Variants in DCAF8 observed in about 807,000 individuals in gnomAD.
The protein encoded by DCAF8 is DDB1- and CUL4-associated factor 8.
DCAF8 carries 20 observed loss-of-function variants against 68.0 expected under a neutral mutation model. That is an observed-to-expected ratio of 0.29 (90% CI 0.21 to 0.43). The LOEUF (loss-of-function observed/expected upper bound fraction) is 0.43. Ranked by LOEUF, DCAF8 falls within the 20% of genes least tolerant of loss-of-function variation. DCAF8 has a pLI of 1.00. For synonymous variants in DCAF8, 230 were observed against 276.9 expected, an observed-to-expected ratio of 0.83 and a Z score of 1.68; for missense variants, 460 against 771.0, an observed-to-expected ratio of 0.60 and a Z score of 4.78.
chr1:160,258,381 TG>T (rs1419144337), intron 2 of DCAF8, among the ~76,000 whole-genome samples: 1 of 152,060 alleles, frequency 6.6e-6, no homozygotes. Flanking sequence ...AGGTTGGTGG[TG>T]GGAACTAAAA....
rs1553197285 is a variant in DCAF8 at position 160,244,047 on chromosome 1, G to A, written c.-26-13C>T. 1 of 1,612,174 alleles carries A rather than the reference G, an allele frequency of 6.2e-7. No homozygotes were observed. The highest frequency in any genetic ancestry group is 8.5e-7 in the Non-Finnish European group (1 of 1,178,246). ...TGCTGTAGCCAGCCTGGGTTTGGGA[G>A]AGGAAGAAACCAAAACAATTAGGAA... is the stretch of plus-strand genomic sequence containing the variant. On this transcript the variant is annotated splice_polypyrimidine_tract_variant and intron_variant, in intron 2 of 13. Coordinates refer to ENST00000368074, the MANE Select transcript of DCAF8 (RefSeq NM_015726.4).
chr1:160,247,574 A>T (rs745523906), intron 2 of DCAF8, among the ~76,000 whole-genome samples: 11 of 152,214 alleles, frequency 7.2e-5, no homozygotes, highest in Non-Finnish European at 1.6e-4. Context: ...CTCTTACCCA[A>T]AATGCTTGGG....
rs370936513 is a variant in DCAF8, at chr1:160,228,231, T to C, written c.1071-2568A>G. Among the ~76,000 whole-genome samples the C allele has an allele frequency of 2.9e-4, 44 of 152,136 alleles. No homozygotes were observed. In the East Asian group the frequency reaches 8.5e-3, roughly 29 times the overall value. On this transcript the variant is annotated intron_variant, in intron 7 of 13. Transcript: ENST00000368074. ...GTCATGAGCCACCACACCAAGCCCC[T>C]TGACATTTTAAGTCACGTAAGGAAT...
intron 12 of DCAF8, 142 bp from the exon 13 acceptor site, chr1:160,218,582 G>T: frequency 1.3e-6 from 1 of 792,538 alleles, no homozygotes; most frequent in Non-Finnish European, 2.1e-6. Flanking sequence ...GATGCCCTAG[G>T]TTCAGCTGCT....
chr1:160,261,955 G>T (rs902130560), intron 1 of DCAF8: 5 of 170,854 alleles, frequency 2.9e-5, no homozygotes, highest in East Asian at 1.6e-4. Flanking sequence ...ATGGGGGAGG[G>T]GGACACATTG....
chr1:160,225,528 T>A lies in DCAF8; in HGVS notation c.1143+63A>T. 4 of 1,324,542 alleles carry A rather than the reference T, an allele frequency of 3.0e-6. No homozygotes were observed. In the Admixed American group the frequency reaches 7.3e-5, roughly 24 times the overall value. The allele number at this position is 1,324,542 out of a possible 1,614,324, so 82.0% of individuals were successfully genotyped here. On this transcript the variant is annotated intron_variant, in intron 8 of 13. Transcript: ENST00000368074. Reference sequence around the variant, plus strand: ...AGCTCTTCCCACCATACCAACAAGTTCAGGTGCAGCCTTGGGGTTGAGTCA... The same window carrying A: ...AGCTCTTCCCACCATACCAACAAGTACAGGTGCAGCCTTGGGGTTGAGTCA...
intron 12 of DCAF8, 102 bp from the exon 13 acceptor site, chr1:160,218,542 T>C (rs1655198133): frequency 1.1e-6 from 1 of 936,078 alleles, no homozygotes; most frequent in East Asian, 2.4e-5. Context: ...TTCCCTTAAG[T>C]TGAAGTGGAG....
At chr1:160,260,405 C>G (rs935163464) in intron 2 of DCAF8, among the ~76,000 whole-genome samples, 43 of 152,118 alleles carry the variant, frequency 2.8e-4, no homozygotes, top group African/African-American at 8.9e-4. Flanking sequence ...TATTCCAGTC[C>G]ATGATGAGCA....
At chr1:160,231,212 G>A (rs527722466) in intron 7 of DCAF8, 85 bp downstream of exon 7, 9 of 920,768 alleles carry the variant, frequency 9.8e-6, no homozygotes, top group East Asian at 7.5e-5. Context: ...TATAAAATTC[G>A]TAACTCTCCA....
In DCAF8 at chr1:160,217,416, A is replaced by C; in HGVS notation, c.*176T>G. The C allele has an allele frequency of 1.9e-6, 1 of 540,266 alleles. No homozygotes were observed. The allele number at this position is 540,266 out of a possible 1,614,324, so 33.5% of individuals were successfully genotyped here. ...ATTCCAGGGCTCAACTCCCATTCCTAGGTACTCTTTGTTGGTTCACTCCTC... is the reference window on the plus strand; with the variant it reads ...ATTCCAGGGCTCAACTCCCATTCCTCGGTACTCTTTGTTGGTTCACTCCTC... On this transcript the variant is annotated 3_prime_UTR_variant, in exon 14 of 14. Coordinates refer to ENST00000368074, the MANE Select transcript of DCAF8 (RefSeq NM_015726.4).
intron 3 of DCAF8, among the ~76,000 whole-genome samples, chr1:160,241,226 C>T (rs1656102337): frequency 6.6e-6 from 1 of 152,172 alleles, no homozygotes; most frequent in African/African-American, 2.4e-5. Context: ...TTCTAAAATT[C>T]ACTAAGAAAG....
At chr1:160,232,592 G>A (rs1008884113) in intron 6 of DCAF8, among the ~76,000 whole-genome samples, 2 of 151,570 alleles carry the variant, frequency 1.3e-5, no homozygotes, top group Non-Finnish European at 2.9e-5. Flanking sequence ...AGTGGACCAA[G>A]ATCGTGCCAC....
chr1:160,231,465 G>A (rs1655681451), intron 6 of DCAF8, 58 bp from the exon 7 acceptor site: 3 of 1,260,146 alleles, frequency 2.4e-6, no homozygotes, highest in South Asian at 1.2e-5. Context: ...AATGGTCATG[G>A]CAAAGGAGAG....
chr1:160,224,643 C>G, intron 9 of DCAF8, 94 bp from the exon 10 acceptor site: 1 of 923,304 alleles, frequency 1.1e-6, no homozygotes, highest in Admixed American at 1.9e-5. Context: ...GCCAGTAGTG[C>G]CCCCTCCAAA....
At chr1:160,257,961 T>G (rs1298071160) in intron 2 of DCAF8, among the ~76,000 whole-genome samples, 1 of 152,144 alleles carries the variant, frequency 6.6e-6, no homozygotes, top group Non-Finnish European at 1.5e-5. Flanking sequence ...ACAACTAGGA[T>G]CAAGTGATCC....
intron 2 of DCAF8, among the ~76,000 whole-genome samples, chr1:160,247,691 C>T (rs1656398884): frequency 6.6e-6 from 1 of 152,292 alleles, no homozygotes; most frequent in East Asian, 1.9e-4. Flanking sequence ...CTTTGAGCAT[C>T]AAGTTGGCAT....
chr1:160,246,122 A>C (rs1205049068), intron 2 of DCAF8, among the ~76,000 whole-genome samples: 1 of 152,084 alleles, frequency 6.6e-6, no homozygotes, highest in Admixed American at 6.5e-5. Context: ...AGCCTGGGCA[A>C]CAAGAGCAAA....
intron 7 of DCAF8, among the ~76,000 whole-genome samples, chr1:160,228,081 AT>A (rs1655539385): frequency 7.9e-6 from 1 of 126,974 alleles, no homozygotes; most frequent in Non-Finnish European, 1.6e-5. Flanking sequence ...AAAAATTAAA[AT>A]TTTTTCTTAA....
chr1:160,244,431 C>T (rs1203177934), intron 2 of DCAF8, among the ~76,000 whole-genome samples: 1 of 152,148 alleles, frequency 6.6e-6, no homozygotes, highest in African/African-American at 2.4e-5. Context: ...AGGCAAGAAT[C>T]TTCCAATGTA....
Sources: allele counts gnomAD v4.1 joint callset (sites outside exome capture counted in the v4.1 genomes callset), GRCh38; gene constraint gnomAD v4.1.1; transcripts MANE v1.5; gene names NCBI Gene and HGNC (gene_info 2026-07-23, HGNC 2026-07-21).